The following ROBO1 variants were observed in gnomAD, a reference collection of about 807,000 sequenced individuals.
ROBO1 encodes the protein roundabout guidance receptor 1, also known as roundabout homolog 1.
Under a neutral mutation model 195.9 loss-of-function variants are expected in ROBO1, and 149 were observed. The observed-to-expected ratio is 0.76, with a 90% CI of 0.67 to 0.87. The LOEUF (loss-of-function observed/expected upper bound fraction) is 0.87, where lower values mean the gene tolerates loss of function less well. Ranked by LOEUF, ROBO1 falls within the 40% of genes least tolerant of loss-of-function variation. The probability of loss-of-function intolerance (pLI) is 0.00; values close to 1 mark genes in which losing one functional copy is unlikely to be tolerated. For synonymous variants in ROBO1, 816 were observed against 733.2 expected, an observed-to-expected ratio of 1.11 and a Z score of -1.82; for missense variants, 1,933 against 2,068.3, an observed-to-expected ratio of 0.93 and a Z score of 1.27.
At chr3:79,575,099 A>AAT (rs1157012104) in intron 2 of ROBO1, among the ~76,000 whole-genome samples, 8 of 131,788 alleles carry the variant, frequency 6.1e-5, no homozygotes, top group East Asian at 2.1e-4. Context: ...AATGAAAACA[A>AAT]ATATATATAT....
intron 2 of ROBO1, among the ~76,000 whole-genome samples, chr3:79,279,325 A>G (rs1018724476): frequency 1.3e-5 from 2 of 152,128 alleles, no homozygotes; most frequent in Admixed American, 6.6e-5. Context: ...ACAAAAGACA[A>G]ATGATTTGAA....
intron 2 of ROBO1, among the ~76,000 whole-genome samples, chr3:79,254,991 G>A (rs1256182564): frequency 2.0e-5 from 3 of 152,044 alleles, no homozygotes; most frequent in Non-Finnish European, 4.4e-5. Context: ...ACAATAACTG[G>A]CACACAGTAA....
intron 26 of ROBO1, among the ~76,000 whole-genome samples, chr3:78,619,079 G>A (rs546006555): frequency 6.6e-6 from 1 of 152,356 alleles, no homozygotes; most frequent in East Asian, 1.9e-4. Context: ...TGGATTTCTA[G>A]TTGGAGGAGT....
chr3:79,341,862 C>T (rs941837352), intron 2 of ROBO1, among the ~76,000 whole-genome samples: 5 of 152,016 alleles, frequency 3.3e-5, no homozygotes, highest in Admixed American at 6.6e-5. Context: ...GCTTCTTTTG[C>T]GTTTTCTACA....
At chr3:79,056,455 A>T (rs1315371789) in intron 3 of ROBO1, among the ~76,000 whole-genome samples, 1 of 152,138 alleles carries the variant, frequency 6.6e-6, no homozygotes, top group Non-Finnish European at 1.5e-5. Context: ...CACATTCAAC[A>T]GACCACTCCT....
chr3:79,172,148 C>T (rs2081179425), intron 2 of ROBO1, among the ~76,000 whole-genome samples: 1 of 152,090 alleles, frequency 6.6e-6, no homozygotes, highest in Admixed American at 6.5e-5. Flanking sequence ...CTAAGCCTCC[C>T]TCTAATCACT....
At chr3:79,408,132 C>T (rs960062310) in intron 2 of ROBO1, among the ~76,000 whole-genome samples, 16 of 151,778 alleles carry the variant, frequency 1.1e-4, no homozygotes, top group African/African-American at 3.4e-4. Flanking sequence ...GCAGGAGATT[C>T]GCTTGAACCC....
At chr3:79,694,274 T>C (rs1023187447) in intron 1 of ROBO1, among the ~76,000 whole-genome samples, 2 of 151,022 alleles carry the variant, frequency 1.3e-5, no homozygotes, top group African/African-American at 4.8e-5. Context: ...TTCATTTTTG[T>C]CTTACAAATA....
chr3:79,145,677 T>C (rs1390478258), intron 2 of ROBO1, among the ~76,000 whole-genome samples: 2 of 151,974 alleles, frequency 1.3e-5, no homozygotes, highest in Middle Eastern at 3.2e-3. Flanking sequence ...ACTGAAAGAC[T>C]ATTGATGGGG....
chr3:79,523,632 C>T (rs1025459714), intron 2 of ROBO1, among the ~76,000 whole-genome samples: 1 of 151,836 alleles, frequency 6.6e-6, no homozygotes, highest in Non-Finnish European at 1.5e-5. Context: ...GCCACCACAC[C>T]CAGCTAATTT....
At chr3:78,683,451 C>A (rs1477997798) in intron 10 of ROBO1, among the ~76,000 whole-genome samples, 4 of 151,894 alleles carry the variant, frequency 2.6e-5, no homozygotes, top group Admixed American at 2.6e-4. Context: ...TGTTGATGAT[C>A]TTCAATAGCA....
At chr3:79,007,790 T>C (rs750620642) in intron 3 of ROBO1, among the ~76,000 whole-genome samples, 3 of 152,216 alleles carry the variant, frequency 2.0e-5, no homozygotes, top group African/African-American at 4.8e-5. Context: ...GAGATCATCA[T>C]GCATACCTCT....
At chr3:79,464,773 T>C (rs998258828) in intron 2 of ROBO1, among the ~76,000 whole-genome samples, 1 of 152,206 alleles carries the variant, frequency 6.6e-6, no homozygotes, top group African/African-American at 2.4e-5. Context: ...TTGTCACTTA[T>C]GTGCTATGGC....
intron 2 of ROBO1, among the ~76,000 whole-genome samples, chr3:79,126,562 T>TA (rs2080219071): frequency 6.6e-6 from 1 of 152,094 alleles, no homozygotes; most frequent in Admixed American, 6.6e-5. Context: ...ACAGACACAA[T>TA]AAAAAACAAG....
At chr3:79,237,344 T>C (rs1441594240) in intron 2 of ROBO1, among the ~76,000 whole-genome samples, 1 of 151,806 alleles carries the variant, frequency 6.6e-6, no homozygotes, top group Non-Finnish European at 1.5e-5. Flanking sequence ...TAGCCAGGCG[T>C]GGTGGCGGCG....
chr3:78,959,475 C>T (rs1400407683), intron 3 of ROBO1, among the ~76,000 whole-genome samples: 3 of 151,802 alleles, frequency 2.0e-5, no homozygotes, highest in Non-Finnish European at 4.4e-5. Flanking sequence ...ATGGCAGAGA[C>T]CCGAGAAAAA....
At chr3:78,910,842 G>A (rs2038201330) in intron 4 of ROBO1, among the ~76,000 whole-genome samples, 1 of 151,966 alleles carries the variant, frequency 6.6e-6, no homozygotes, top group Non-Finnish European at 1.5e-5. Flanking sequence ...TAGAGTAGAG[G>A]TTCTCAGTGT....
chr3:79,608,588 T>C (rs1200058420), intron 1 of ROBO1, among the ~76,000 whole-genome samples: 1 of 151,964 alleles, frequency 6.6e-6, no homozygotes. Context: ...CCTAAGATGA[T>C]ACCTGCTCAA....
chr3:78,812,596 T>C (rs148049279), intron 4 of ROBO1, among the ~76,000 whole-genome samples: 34 of 152,216 alleles, frequency 2.2e-4, no homozygotes, highest in African/African-American at 7.9e-4. Context: ...CTATTTTGCT[T>C]CTTCAGCATC....
Sources: allele counts gnomAD v4.1 joint callset (sites outside exome capture counted in the v4.1 genomes callset), GRCh38; gene constraint gnomAD v4.1.1; transcripts MANE v1.5; gene names NCBI Gene and HGNC (gene_info 2026-07-23, HGNC 2026-07-21).